POF1B: variants seen among roughly 807,000 people sequenced by gnomAD.
POF1B encodes protein POF1B.
POF1B carries 53 observed loss-of-function variants against 55.3 expected under a neutral mutation model. That is an observed-to-expected ratio of 0.96 (90% confidence interval 0.77 to 1.20). The LOEUF (loss-of-function observed/expected upper bound fraction) is 1.20, where lower values mean the gene tolerates loss of function less well. Ranked by LOEUF, POF1B falls within the 50% of genes most tolerant of loss-of-function variation. POF1B has a pLI of 0.00. For synonymous variants in POF1B, 188 were observed against 148.3 expected (o/e 1.27, Z -1.95); for missense variants, 478 against 420.5 (o/e 1.14, Z -1.20).
At position 85,277,468 on chromosome X, in the gene POF1B, C is replaced by T; in HGVS notation, c.*1953G>A. Reference sequence around the variant, plus strand: ...ACTCTTAGTTATTTGTACAATTAAGCTATTATTGACTATACTCACCCGGTT... The same window carrying T: ...ACTCTTAGTTATTTGTACAATTAAGTTATTATTGACTATACTCACCCGGTT... On this transcript the variant is annotated 3_prime_UTR_variant, in exon 17 of 17. Transcript: ENST00000262753. 1 of 110,511 alleles carries T rather than the reference C, an allele frequency of 9.0e-6. No homozygotes were observed. Among genetic ancestry groups the T allele is most frequent in the Admixed American group, 9.7e-5 (1 of 10,319 alleles). The allele number at this position is 110,511 out of a possible 1,213,427, so 9.1% of individuals were successfully genotyped here.
chrX:85,285,679 AT>A (rs1722153649), intron 15 of POF1B, among the ~76,000 whole-genome samples: 1 of 107,282 alleles, frequency 9.3e-6, no homozygotes, highest in African/African-American at 3.4e-5. Flanking sequence ...AAGGGATAGC[AT>A]TAGGAGATAT....
At chrX:85,285,072 G>C (rs1198598408) in intron 15 of POF1B, among the ~76,000 whole-genome samples, 1 of 111,789 alleles carries the variant, frequency 8.9e-6, no homozygotes, top group Non-Finnish European at 1.9e-5. Flanking sequence ...CACCATCACT[G>C]GCCATCAGAG....
intron 7 of POF1B, among the ~76,000 whole-genome samples, chrX:85,321,697 C>T (rs1356324661): frequency 0.081 from 7,095 of 87,261 alleles, 552 homozygotes; most frequent in African/African-American, 0.16. Context: ...GAAAACCCCA[C>T]TGTCTCAGCC....
chrX:85,337,613 A>G (rs1397513142), intron 6 of POF1B, among the ~76,000 whole-genome samples: 1 of 111,802 alleles, frequency 8.9e-6, no homozygotes, highest in Admixed American at 9.5e-5. Flanking sequence ...ACATGTTGTC[A>G]CTGAATTGAA....
rs759673284 is a variant in POF1B, at chrX:85,282,246, G to T, written c.1721C>A (p.Thr574Lys). The T allele has an allele frequency of 2.5e-6, 3 of 1,193,097 alleles. No individual in the cohort carries two copies. In the South Asian group the frequency reaches 5.5e-5, roughly 22 times the overall value. ...DYEYIPPGSETQTIVIEKTED... is the reference protein window; with the variant it reads ...DYEYIPPGSEKQTIVIEKTED... ...TGTTTTCTCAATCACAATAGTCTGT[G>T]TTTCACTACCTGGTGGTATATATTC... Residue 574 changes from threonine (T) to lysine (K), a missense_variant, in exon 16 of 17, where the codon ACA (threonine) becomes AAA (lysine). Physicochemically the swap from Thr to Lys is moderately conservative, Grantham distance 78. Coordinates refer to ENST00000262753, the MANE Select transcript of POF1B (RefSeq NM_024921.4).
At chrX:85,338,433 T>G (rs1269497303) in intron 6 of POF1B, among the ~76,000 whole-genome samples, 2 of 111,850 alleles carry the variant, frequency 1.8e-5, no homozygotes. Context: ...AGTTTGACAT[T>G]CTTCTTTTCC....
intron 15 of POF1B, among the ~76,000 whole-genome samples, chrX:85,301,316 T>G (rs182359124): frequency 9.0e-6 from 1 of 111,643 alleles, no homozygotes; most frequent in East Asian, 2.8e-4. Flanking sequence ...CATCAGAAAT[T>G]ATAGAGGCCA....
rs363766 is a variant in POF1B, at chrX:85,345,964, G to A, written c.619C>T (p.Pro207Ser). Residue 207 changes from proline to serine, a missense_variant, in exon 6 of 17, where the codon CCT (proline) becomes TCT (serine). Physicochemically the swap from Pro to Ser is moderately conservative, Grantham distance 74. Coordinates refer to ENST00000262753, the MANE Select transcript of POF1B (RefSeq NM_024921.4). ...QVIHSAHWQQ[P>S]DSSQQIQAIT... ...GCTTGGATTTGCTGGCTAGAATCAG[G>A]TTGTTGCCAGTGTGCAGAGTGGATG... 2.6e-3 allele frequency: 3,167 copies of A among 1,205,310 alleles called. 61 individuals are homozygous for A. In the African/African-American group the frequency reaches 0.048, roughly 18 times the overall value.
intron 15 of POF1B, among the ~76,000 whole-genome samples, chrX:85,301,209 TCAAA>T (rs1266581182): frequency 1.8e-5 from 2 of 110,662 alleles, no homozygotes; most frequent in Non-Finnish European, 3.8e-5. Flanking sequence ...CACATAATAA[TCAAA>T]CAGTCAAGGG....
chrX:85,377,253 C>T (rs1372002149), intron 2 of POF1B, among the ~76,000 whole-genome samples: 1 of 111,575 alleles, frequency 9.0e-6, no homozygotes, highest in Admixed American at 9.5e-5. Flanking sequence ...TCCTACTTTA[C>T]ATGATGCCAC....
chrX:85,334,361 T>C (rs975879009), intron 6 of POF1B, among the ~76,000 whole-genome samples: 1 of 111,366 alleles, frequency 9.0e-6, no homozygotes, highest in Admixed American at 9.6e-5. Flanking sequence ...TCTTTGATAA[T>C]TAATTTAGTT....
At chrX:85,296,618 A>C (rs1191499611) in intron 15 of POF1B, among the ~76,000 whole-genome samples, 1 of 111,899 alleles carries the variant, frequency 8.9e-6, no homozygotes. Context: ...TTCTAGCCTG[A>C]TAGAGTTTCC....
chrX:85,330,802 G>T, intron 7 of POF1B, 147 bp downstream of exon 7: 1 of 512,304 alleles, frequency 2.0e-6, no homozygotes, highest in East Asian at 4.5e-5. Context: ...ATGTACTCTA[G>T]AACTTAAAGT....
intron 6 of POF1B, among the ~76,000 whole-genome samples, chrX:85,345,033 A>T (rs1933243418): frequency 9.0e-6 from 1 of 111,657 alleles, no homozygotes; most frequent in Non-Finnish European, 1.9e-5. Context: ...TCTCATGTAT[A>T]CTTAATATAA....
intron 15 of POF1B, among the ~76,000 whole-genome samples, chrX:85,292,786 G>A (rs1406505169): frequency 2.7e-5 from 3 of 109,865 alleles, no homozygotes; most frequent in African/African-American, 1.0e-4. Context: ...ATCTGACAAA[G>A]GTCTAATATC....
At chrX:85,339,464 G>T (rs1334224715) in intron 6 of POF1B, among the ~76,000 whole-genome samples, 1 of 111,263 alleles carries the variant, frequency 9.0e-6, no homozygotes. Flanking sequence ...AGTCATAGAA[G>T]CTGCAGTATA....
At position 85,357,617 on chromosome X, in the gene POF1B, GACC is replaced by G. The variant is rs899922834; in HGVS notation, c.438+1930_438+1932del. 4.5e-5 allele frequency among the ~76,000 whole-genome samples: 5 copies of G among 110,659 alleles called. No individual in the cohort carries two copies. The Admixed American group carries it at 4.8e-4, about 11-fold the overall frequency. On this transcript the variant is annotated intron_variant, in intron 4 of 16. Coordinates refer to ENST00000262753, the MANE Select transcript of POF1B (RefSeq NM_024921.4). ...TGCCTTTTGGTCATTTGAGACGGTT[GACC>G]ACCCCATGTTTGCATTTGCCTCTGT...
intron 7 of POF1B, among the ~76,000 whole-genome samples, chrX:85,320,299 G>A (rs772644870): frequency 1.3e-4 from 14 of 109,954 alleles, no homozygotes; most frequent in South Asian, 3.9e-4. Context: ...ACTCAAAACC[G>A]CACAACTACA....
intron 5 of POF1B, among the ~76,000 whole-genome samples, chrX:85,347,969 A>G (rs1420844017): frequency 9.0e-6 from 1 of 111,659 alleles, no homozygotes; most frequent in African/African-American, 3.2e-5. Flanking sequence ...TTGAAATAGA[A>G]GCTCTCCTGA....
Sources: gnomAD v4.1 joint callset for allele counts (sites outside exome capture counted in the v4.1 genomes callset) on GRCh38, gnomAD v4.1.1 for gene constraint, MANE v1.5 for transcripts, NCBI Gene and HGNC (gene_info 2026-07-23, HGNC 2026-07-21) for gene names.